ZC3H12B: variants seen among roughly 807,000 people sequenced by gnomAD.
The protein encoded by ZC3H12B is probable ribonuclease ZC3H12B.
In ZC3H12B, 7 loss-of-function variants were observed where a neutral mutation model predicts 43.9. That is an observed-to-expected ratio of 0.16 (90% CI 0.09 to 0.30). ZC3H12B has a LOEUF of 0.30. Ranked by LOEUF, ZC3H12B falls within the 10% of genes least tolerant of loss-of-function variation. The pLI, the probability that ZC3H12B is intolerant of heterozygous loss-of-function variation, is 1.00. For missense variants in ZC3H12B, 475 were observed against 670.2 expected (o/e 0.71, Z 3.22); for synonymous variants, 222 against 241.7 (o/e 0.92, Z 0.76).
chrX:65,225,649 A>T, the ZC3H12B span, among the ~76,000 whole-genome samples: 4 of 112,135 alleles, frequency 3.6e-5, no homozygotes, highest in Non-Finnish European at 7.5e-5. Flanking sequence ...CAAATGTATA[A>T]CTAGAATAAC....
At chrX:65,288,240 A>G in the ZC3H12B span, among the ~76,000 whole-genome samples, 1 of 111,192 alleles carries the variant, frequency 9.0e-6, no homozygotes, top group Non-Finnish European at 1.9e-5. Flanking sequence ...CAAAGAACTT[A>G]TACCAATCCT....
chrX:65,059,490 T>A, the ZC3H12B span, among the ~76,000 whole-genome samples: 1 of 111,278 alleles, frequency 9.0e-6, no homozygotes, highest in Non-Finnish European at 1.9e-5. Flanking sequence ...TCTTACCCAG[T>A]GTAGGTTCTT....
intron 3 of ZC3H12B, among the ~76,000 whole-genome samples, chrX:65,424,998 G>A (rs1187193672): frequency 8.9e-6 from 1 of 111,735 alleles, no homozygotes; most frequent in Non-Finnish European, 1.9e-5. Context: ...CTAATTCAGT[G>A]AAGAATGTCA....
At chrX:65,128,269 TG>T in the ZC3H12B span, among the ~76,000 whole-genome samples, 16 of 112,305 alleles carry the variant, frequency 1.4e-4, no homozygotes, top group African/African-American at 5.2e-4. Flanking sequence ...GTTATATTTT[TG>T]TTTTTCTCAG....
chrX:65,497,229 G>T, exon 2 of ZC3H12B: 2 of 1,210,868 alleles, frequency 1.7e-6, no homozygotes, highest in Non-Finnish European at 2.2e-6. Context: ...ATTTGTGCCT[G>T]CATGGAGAAA....
chrX:65,472,825 G>GATATATATATATATATAT (rs58372328), intron 3 of ZC3H12B, among the ~76,000 whole-genome samples: 19 of 31,560 alleles, frequency 6.0e-4, no homozygotes, highest in African/African-American at 3.2e-3. Context: ...CCATACCTTT[G>GATATATATATATATATAT]ATATATATAT....
At chrX:65,396,583 T>C (rs1289788827) in intron 2 of ZC3H12B, among the ~76,000 whole-genome samples, 2 of 110,177 alleles carry the variant, frequency 1.8e-5, no homozygotes, top group Admixed American at 1.9e-4. Flanking sequence ...TTTTTGTCTT[T>C]TTTTTTTTCG....
At chrX:65,328,850 C>T in the ZC3H12B span, among the ~76,000 whole-genome samples, 4 of 108,768 alleles carry the variant, frequency 3.7e-5, no homozygotes, top group African/African-American at 1.3e-4. Flanking sequence ...TTTCCAGCTT[C>T]ATCCATGTCC....
At chrX:65,435,643 A>AGGAT (rs1385941612) in intron 3 of ZC3H12B, among the ~76,000 whole-genome samples, 2 of 83,992 alleles carry the variant, frequency 2.4e-5, no homozygotes, top group Non-Finnish European at 2.3e-5. Context: ...CAGAACCAAT[A>AGGAT]GGATAGATAG....
chrX:65,397,807 AG>A lies in ZC3H12B; in HGVS notation n.296-785del, dbSNP rs2066718263. On this transcript the variant is annotated intron_variant and non_coding_transcript_variant, in intron 2 of 5. Transcript: ENST00000617377. ...CCAATCAGATAAGAGAAAGAAATGA[AG>A]AACATCCAAATTAAAATGAAAGAAG... is the stretch of plus-strand genomic sequence containing the variant. 2.7e-5 allele frequency among the ~76,000 whole-genome samples: 3 copies of A among 112,172 alleles called. No individual in the cohort carries two copies. The East Asian group carries it at 8.4e-4, about 31-fold the overall frequency.
At chrX:65,263,023 A>G in the ZC3H12B span, among the ~76,000 whole-genome samples, 1 of 110,737 alleles carries the variant, frequency 9.0e-6, no homozygotes, top group East Asian at 2.8e-4. Context: ...CACGTCCTAG[A>G]GCTTACTAAC....
the ZC3H12B span, chrX:65,184,956 C>A: frequency 9.0e-6 from 1 of 111,303 alleles, no homozygotes; most frequent in Non-Finnish European, 1.9e-5. Flanking sequence ...TTACTTTCTT[C>A]ATTTATATAG....
At chrX:65,266,511 A>AT in the ZC3H12B span, among the ~76,000 whole-genome samples, 3 of 112,110 alleles carry the variant, frequency 2.7e-5, no homozygotes, top group East Asian at 8.5e-4. Context: ...CTTTTGCAAA[A>AT]TTAGGGAATT....
At chrX:65,084,233 G>A in the ZC3H12B span, among the ~76,000 whole-genome samples, 1 of 111,601 alleles carries the variant, frequency 9.0e-6, no homozygotes, top group South Asian at 3.7e-4. Flanking sequence ...ACAAGCACAG[G>A]CAGCCAAAGC....
At chrX:65,274,608 C>T in the ZC3H12B span, among the ~76,000 whole-genome samples, 3 of 108,900 alleles carry the variant, frequency 2.8e-5, no homozygotes, top group Non-Finnish European at 5.7e-5. Flanking sequence ...AGCTGCCTAC[C>T]TAACCCCAAG....
At chrX:65,303,152 G>C in the ZC3H12B span, among the ~76,000 whole-genome samples, 1 of 111,116 alleles carries the variant, frequency 9.0e-6, no homozygotes, top group Non-Finnish European at 1.9e-5. Flanking sequence ...TGATAAGCTG[G>C]ACTTCATTTA....
the ZC3H12B span, among the ~76,000 whole-genome samples, chrX:65,090,799 T>C: frequency 1.8e-5 from 2 of 111,561 alleles, no homozygotes. Context: ...GTATTGGAGG[T>C]GAGGCCTGGT....
At chrX:65,390,871 G>A (rs1357700731) in intron 2 of ZC3H12B, among the ~76,000 whole-genome samples, 1 of 111,745 alleles carries the variant, frequency 8.9e-6, no homozygotes, top group Admixed American at 9.6e-5. Context: ...ATAATATCAA[G>A]CATCTTCTCT....
chrX:65,192,051 A>AT, the ZC3H12B span, among the ~76,000 whole-genome samples: 1 of 109,890 alleles, frequency 9.1e-6, no homozygotes, highest in African/African-American at 3.3e-5. Flanking sequence ...CCTTCATTTC[A>AT]TTATGTACCC....
Sources: allele counts gnomAD v4.1 joint callset (sites outside exome capture counted in the v4.1 genomes callset), GRCh38; gene constraint gnomAD v4.1.1; transcripts MANE v1.5; gene names NCBI Gene and HGNC (gene_info 2026-07-23, HGNC 2026-07-21).